The following ARHGAP6 variants were observed in gnomAD, a reference collection of about 807,000 sequenced individuals.
The protein encoded by ARHGAP6 is rho GTPase-activating protein 6.
ARHGAP6 carries 16 observed loss-of-function variants against 55.7 expected under a neutral mutation model. That is an observed-to-expected ratio of 0.29 (90% confidence interval 0.19 to 0.44). ARHGAP6 has a LOEUF of 0.44. Among genes scored for constraint, ARHGAP6 ranks in the 20% least tolerant of loss-of-function variants. ARHGAP6 has a pLI of 1.00. For missense variants in ARHGAP6, 698 were observed against 808.9 expected, an observed-to-expected ratio of 0.86 and a Z score of 1.66; for synonymous variants, 382 against 360.9, an observed-to-expected ratio of 1.06 and a Z score of -0.66.
intron 1 of ARHGAP6, among the ~76,000 whole-genome samples, chrX:11,505,014 A>AG (rs2050717760): frequency 9.0e-6 from 1 of 111,467 alleles, no homozygotes; most frequent in Admixed American, 9.6e-5. Flanking sequence ...GCTTTTCTTG[A>AG]GCAAACTTGG....
chrX:11,194,864 T>C (rs2046509101), intron 3 of ARHGAP6, among the ~76,000 whole-genome samples: 1 of 111,979 alleles, frequency 8.9e-6, no homozygotes, highest in African/African-American at 3.2e-5. Flanking sequence ...CCAATACTGA[T>C]CCCAATGCAT....
chrX:11,205,389 C>T (rs2046691520), intron 2 of ARHGAP6, among the ~76,000 whole-genome samples: 1 of 111,421 alleles, frequency 9.0e-6, no homozygotes, highest in Non-Finnish European at 1.9e-5. Context: ...AAATATAGAC[C>T]TTGCCAAATA....
intron 1 of ARHGAP6, among the ~76,000 whole-genome samples, chrX:11,563,622 A>G (rs776356182): frequency 1.8e-5 from 2 of 111,489 alleles, no homozygotes; most frequent in South Asian, 7.5e-4. Flanking sequence ...GCAAACATTC[A>G]TCATTCATAA....
At chrX:11,227,377 C>T (rs1278700998) in intron 2 of ARHGAP6, among the ~76,000 whole-genome samples, 1 of 111,844 alleles carries the variant, frequency 8.9e-6, no homozygotes, top group Non-Finnish European at 1.9e-5. Flanking sequence ...GCAGTTATTG[C>T]GAGGCACGTT....
intron 1 of ARHGAP6, among the ~76,000 whole-genome samples, chrX:11,509,369 T>C (rs1360112414): frequency 8.9e-6 from 1 of 112,023 alleles, no homozygotes; most frequent in Admixed American, 9.5e-5. Flanking sequence ...GGGCCCAATA[T>C]ACAGCCTATA....
At chrX:11,328,643 T>C (rs763572230) in intron 1 of ARHGAP6, among the ~76,000 whole-genome samples, 6 of 112,560 alleles carry the variant, frequency 5.3e-5, no homozygotes, top group Non-Finnish European at 7.5e-5. Context: ...GGATTAATGA[T>C]GTACAAGTGT....
chrX:11,278,429 G>A (rs2047807064), intron 1 of ARHGAP6, among the ~76,000 whole-genome samples: 2 of 111,389 alleles, frequency 1.8e-5, no homozygotes, highest in Admixed American at 1.9e-4. Flanking sequence ...GAGGAAGGGG[G>A]CCATGAGCTA....
At chrX:11,406,513 A>G (rs2049610869) in intron 1 of ARHGAP6, among the ~76,000 whole-genome samples, 1 of 111,353 alleles carries the variant, frequency 9.0e-6, no homozygotes, top group Non-Finnish European at 1.9e-5. Context: ...ACACAATGTA[A>G]ACACACACAC....
intron 1 of ARHGAP6, among the ~76,000 whole-genome samples, chrX:11,624,670 G>A (rs1019126871): frequency 1.8e-5 from 2 of 112,205 alleles, no homozygotes; most frequent in African/African-American, 6.5e-5. Context: ...TCCTGCCTCA[G>A]CCTCCTGAGT....
At chrX:11,623,756 T>G (rs1044256995) in intron 1 of ARHGAP6, among the ~76,000 whole-genome samples, 6 of 105,768 alleles carry the variant, frequency 5.7e-5, no homozygotes, top group Non-Finnish European at 1.2e-4. Flanking sequence ...TGGAAAGATA[T>G]CCTATGTTCA....
chrX:11,317,602 T>G (rs1723849968), intron 1 of ARHGAP6, among the ~76,000 whole-genome samples: 1 of 111,925 alleles, frequency 8.9e-6, no homozygotes, highest in Non-Finnish European at 1.9e-5. Flanking sequence ...GTGGTTTAAA[T>G]GGATTTTGCT....
chrX:11,268,730 T>G (rs1351594398), intron 1 of ARHGAP6, among the ~76,000 whole-genome samples: 2 of 111,369 alleles, frequency 1.8e-5, no homozygotes, highest in Non-Finnish European at 3.8e-5. Flanking sequence ...GTGGACCACA[T>G]TTTTCAGTGT....
At chrX:11,618,141 C>T (rs182598279) in intron 1 of ARHGAP6, among the ~76,000 whole-genome samples, 345 of 111,188 alleles carry the variant, frequency 3.1e-3, no homozygotes, top group Non-Finnish European at 5.3e-3. Flanking sequence ...GGAATGCAGG[C>T]AGCTTCTGTA....
At chrX:11,509,067 T>G (rs973700740) in intron 1 of ARHGAP6, among the ~76,000 whole-genome samples, 1 of 111,820 alleles carries the variant, frequency 8.9e-6, no homozygotes, top group African/African-American at 3.2e-5. Flanking sequence ...TGCTATTGAT[T>G]CTAAACCTCT....
chrX:11,298,508 C>A, intron 1 of ARHGAP6: 2 of 1,208,117 alleles, frequency 1.7e-6, no homozygotes, highest in Non-Finnish European at 2.2e-6. Context: ...GTTGGAGTCA[C>A]CTGAGCCAAT....
chrX:11,446,160 T>C (rs2050090024), intron 1 of ARHGAP6, among the ~76,000 whole-genome samples: 2 of 112,497 alleles, frequency 1.8e-5, no homozygotes, highest in Non-Finnish European at 3.7e-5. Flanking sequence ...GTTTGGGCTT[T>C]TGTTCTACAA....
At chrX:11,219,000 T>C (rs1602892951) in intron 2 of ARHGAP6, among the ~76,000 whole-genome samples, 1 of 106,213 alleles carries the variant, frequency 9.4e-6, no homozygotes, top group East Asian at 3.1e-4. Context: ...ACTCGTCGTC[T>C]AGCATTAGGT....
chrX:11,422,362 G>A (rs1262102577), intron 1 of ARHGAP6, among the ~76,000 whole-genome samples: 1 of 111,725 alleles, frequency 9.0e-6, no homozygotes, highest in Non-Finnish European at 1.9e-5. Context: ...AACAGAAAGG[G>A]CACAGATGTG....
At chrX:11,288,545 A>C (rs1269288989) in intron 1 of ARHGAP6, among the ~76,000 whole-genome samples, 1 of 112,177 alleles carries the variant, frequency 8.9e-6, no homozygotes, top group Non-Finnish European at 1.9e-5. Flanking sequence ...TAAAGTGTAC[A>C]ATTGAGTGGC....
Sources: gnomAD v4.1 joint callset for allele counts (sites outside exome capture counted in the v4.1 genomes callset) on GRCh38, gnomAD v4.1.1 for gene constraint, MANE v1.5 for transcripts, NCBI Gene and HGNC (gene_info 2026-07-23, HGNC 2026-07-21) for gene names.